KIAA1549L: variants seen among roughly 807,000 people sequenced by gnomAD.
KIAA1549L encodes the protein UPF0606 protein KIAA1549L.
Under a neutral mutation model 160.7 loss-of-function variants are expected in KIAA1549L, and 88 were observed. The observed-to-expected ratio is 0.55, with a 90% CI of 0.46 to 0.65. The LOEUF (loss-of-function observed/expected upper bound fraction) is 0.65. Ranked by LOEUF, KIAA1549L falls within the 30% of genes least tolerant of loss-of-function variation. The pLI, the probability that KIAA1549L is intolerant of heterozygous loss-of-function variation, is 0.00. For missense variants in KIAA1549L, 2,258 were observed against 2,437.5 expected, an observed-to-expected ratio of 0.93 and a Z score of 1.55; for synonymous variants, 950 against 976.7, an observed-to-expected ratio of 0.97 and a Z score of 0.51.
intron 13 of KIAA1549L, among the ~76,000 whole-genome samples, chr11:33,602,620 A>G (rs895482984): frequency 2.0e-5 from 3 of 152,004 alleles, no homozygotes; most frequent in Admixed American, 6.5e-5. Flanking sequence ...CAGATACAAG[A>G]TAACTATTCA....
In KIAA1549L at chr11:33,559,912, G is replaced by C; in HGVS notation, c.4018+1G>C. ...TATCCGCCGCTAACCATTGCTGAACGTGAGTATGGCCATGCCTATGGGGAC... is the reference window on the plus strand; with the variant it reads ...TATCCGCCGCTAACCATTGCTGAACCTGAGTATGGCCATGCCTATGGGGAC... On this transcript the variant is annotated splice_donor_variant, in intron 7 of 20. Transcript: ENST00000658780. LOFTEE classifies it high-confidence loss of function. 1 of 1,613,822 alleles carries C rather than the reference G, an allele frequency of 6.2e-7. No individual in the cohort carries two copies.
intron 17 of KIAA1549L, among the ~76,000 whole-genome samples, chr11:33,652,078 T>C (rs1422754443): frequency 1.3e-5 from 2 of 151,190 alleles, no homozygotes; most frequent in African/African-American, 4.9e-5. Flanking sequence ...ATCTCCTTCC[T>C]GGCCAGAGGG....
Position 33,469,469 on chromosome 11 carries a change from T to C in KIAA1549L, c.239-72333T>C, listed in dbSNP as rs142878946. The stretch of plus-strand genomic sequence containing the variant: ...TCCACTTTTTGGCTTTTGTGAATAA[T>C]GCTGTGATGAATGTTCATGTACAAA... On this transcript the variant is annotated intron_variant, in intron 1 of 20. Coordinates refer to ENST00000658780, the MANE Select transcript of KIAA1549L (RefSeq NM_012194.3). Among the ~76,000 whole-genome samples, 1,520 of 152,348 alleles carry C rather than the reference T, an allele frequency of 1.0e-2. 20 individuals are homozygous for C. Among genetic ancestry groups the C allele is most frequent in the South Asian group, 0.037 (177 of 4,824 alleles).
chr11:33,609,043 C>T (rs914225293), intron 14 of KIAA1549L, among the ~76,000 whole-genome samples: 2 of 152,224 alleles, frequency 1.3e-5, no homozygotes, highest in African/African-American at 2.4e-5. Flanking sequence ...ACTTATTTAG[C>T]ACAGTCACCT....
intron 1 of KIAA1549L, among the ~76,000 whole-genome samples, chr11:33,523,418 T>C (rs1443215293): frequency 1.3e-5 from 2 of 152,232 alleles, no homozygotes; most frequent in African/African-American, 4.8e-5. Context: ...CCCCCTCATA[T>C]CTATTTATTG....
chr11:33,489,310 C>T (rs1852602215), intron 1 of KIAA1549L, among the ~76,000 whole-genome samples: 1 of 152,136 alleles, frequency 6.6e-6, no homozygotes, highest in Non-Finnish European at 1.5e-5. Context: ...TGTGTGCATG[C>T]AGAGAGAGAC....
chr11:33,654,814 C>A (rs138991035), intron 17 of KIAA1549L, among the ~76,000 whole-genome samples: 1 of 152,326 alleles, frequency 6.6e-6, no homozygotes, highest in East Asian at 1.9e-4. Context: ...CAGTTTCACA[C>A]TGCATTAAAA....
chr11:33,639,459 G>A (rs999983338), intron 16 of KIAA1549L, among the ~76,000 whole-genome samples: 2 of 152,050 alleles, frequency 1.3e-5, no homozygotes, highest in African/African-American at 2.4e-5. Flanking sequence ...CTATAATTAC[G>A]TGTATATCCT....
chr11:33,532,878 T>C (rs1178698512), intron 1 of KIAA1549L, among the ~76,000 whole-genome samples: 1 of 152,176 alleles, frequency 6.6e-6, no homozygotes, highest in Non-Finnish European at 1.5e-5. Context: ...CTTGGGAAGA[T>C]TTTCTTCTCC....
At chr11:33,487,644 T>C (rs1852560933) in intron 1 of KIAA1549L, among the ~76,000 whole-genome samples, 1 of 152,132 alleles carries the variant, frequency 6.6e-6, no homozygotes, top group South Asian at 2.1e-4. Flanking sequence ...GGGAACATTT[T>C]TAAAAAATAC....
intron 1 of KIAA1549L, among the ~76,000 whole-genome samples, chr11:33,512,705 G>A (rs1853254866): frequency 6.6e-6 from 1 of 152,170 alleles, no homozygotes; most frequent in East Asian, 1.9e-4. Flanking sequence ...ACAGGCGTGA[G>A]CCATTGCGCC....
At chr11:33,525,639 C>A (rs1283248032) in intron 1 of KIAA1549L, among the ~76,000 whole-genome samples, 1 of 152,022 alleles carries the variant, frequency 6.6e-6, no homozygotes, top group African/African-American at 2.4e-5. Context: ...GCAGAAGTCA[C>A]AGCCAAAGCT....
intron 1 of KIAA1549L, among the ~76,000 whole-genome samples, chr11:33,540,995 G>C (rs182512198): frequency 2.4e-4 from 36 of 152,344 alleles, no homozygotes; most frequent in African/African-American, 8.2e-4. Context: ...AGAAAAGGAA[G>C]AATGAGAAAG....
At chr11:33,566,193 C>G (rs968215519) in intron 8 of KIAA1549L, among the ~76,000 whole-genome samples, 1 of 151,990 alleles carries the variant, frequency 6.6e-6, no homozygotes, top group African/African-American at 2.4e-5. Context: ...TATTTGATGT[C>G]TGCCTTTGAA....
At chr11:33,417,379 C>A (rs774809891) in intron 1 of KIAA1549L, among the ~76,000 whole-genome samples, 1 of 152,162 alleles carries the variant, frequency 6.6e-6, no homozygotes, top group Non-Finnish European at 1.5e-5. Flanking sequence ...TCACTGTAGG[C>A]GCTGCACACT....
intron 1 of KIAA1549L, among the ~76,000 whole-genome samples, chr11:33,420,861 T>C (rs1388267707): frequency 6.6e-6 from 1 of 152,130 alleles, no homozygotes; most frequent in East Asian, 1.9e-4. Context: ...CTGTCTGCAA[T>C]CATCACATTT....
At chr11:33,631,727 C>T (rs1851294476) in intron 16 of KIAA1549L, among the ~76,000 whole-genome samples, 2 of 152,298 alleles carry the variant, frequency 1.3e-5, no homozygotes, top group South Asian at 4.1e-4. Context: ...CTTTGTGTTC[C>T]AGTAGCCCCT....
rs1051671312 is a variant in KIAA1549L, at chr11:33,673,499, A to T, written c.*5345A>T. 6.6e-6 allele frequency: 1 copy of T among 152,168 alleles called. No homozygotes were observed. The highest frequency in any genetic ancestry group is 1.5e-5 in the Non-Finnish European group (1 of 68,034). 9.4% of individuals were successfully genotyped at this position (152,168 alleles called of 1,614,324 possible). On this transcript the variant is annotated 3_prime_UTR_variant, in exon 21 of 21. Transcript: ENST00000658780. The stretch of plus-strand genomic sequence containing the variant: ...TGGAAATTGTGAAAAAGGTATAAAT[A>T]TCCTAGACCTTGATCAACTCACTTT...
In KIAA1549L at chr11:33,649,343, G is replaced by GA. The variant is rs545884059; in HGVS notation, c.5760+3329dup. ...ATAATGAGATCCTGTCTCTACGGGG[G>GA]AAAAAAAAAAAAAAAAAAAAAATTG... On this transcript the variant is annotated intron_variant, in intron 17 of 20. Transcript: ENST00000658780. Among the ~76,000 whole-genome samples the GA allele has an allele frequency of 5.4e-3, 558 of 102,730 alleles. 2 individuals carry two copies. The highest frequency in any genetic ancestry group is 0.011 in the African/African-American group (256 of 23,082). 67.4% of individuals were successfully genotyped at this position (102,730 alleles called of 152,430 possible). A position where few individuals can be genotyped will look rare whatever the true frequency, so the allele number is the denominator to read the frequency against.
Sources: allele counts gnomAD v4.1 joint callset (sites outside exome capture counted in the v4.1 genomes callset), GRCh38; gene constraint gnomAD v4.1.1; transcripts MANE v1.5; gene names NCBI Gene and HGNC (gene_info 2026-07-23, HGNC 2026-07-21).